The following MRE11 variants were observed in gnomAD, a reference collection of about 807,000 sequenced individuals.
The protein encoded by MRE11 is double-strand break repair protein MRE11.
In MRE11, 62 loss-of-function variants were observed where a neutral mutation model predicts 91.7. The ratio of observed to expected loss-of-function variants is 0.68; its 90% CI spans 0.55 to 0.84. The LOEUF is 0.84. Among genes scored for constraint, MRE11 ranks in the 40% least tolerant of loss-of-function variants. The pLI, the probability that MRE11 is intolerant of heterozygous loss-of-function variation, is 0.00. For synonymous variants in MRE11, 273 were observed against 271.4 expected (o/e 1.01, Z -0.06); for missense variants, 796 against 852.9 (o/e 0.93, Z 0.83).
chr11:94,475,336 T>C (rs576453151), intron 7 of MRE11: 2 of 262,068 alleles, frequency 7.6e-6, no homozygotes, highest in East Asian at 8.3e-5. Flanking sequence ...GGAGGATATA[T>C]GTAGGTTATA....
chr11:94,452,433 A>T (rs2134946266), intron 14 of MRE11, among the ~76,000 whole-genome samples: 1 of 152,318 alleles, frequency 6.6e-6, no homozygotes, highest in Non-Finnish European at 1.5e-5. Context: ...TAAAGATGTG[A>T]GGAAACAAGC....
chr11:94,472,866 T>A (rs533575475), intron 7 of MRE11: 1 of 152,254 alleles, frequency 6.6e-6, no homozygotes, highest in Admixed American at 6.6e-5. Flanking sequence ...AGATAAGGGA[T>A]ACTCAATCTC....
In MRE11 at chr11:94,419,480, G is replaced by GAGAGAGAGAT. The variant is rs1945113838; in HGVS notation, c.*644_*645insATCTCTCTCT. On this transcript the variant is annotated 3_prime_UTR_variant, in exon 20 of 20. Coordinates refer to ENST00000323929, the MANE Select transcript of MRE11 (RefSeq NM_005591.4). ...GGGGGGAGAGGGAGAGAGAGAGAGAGAGAGAGAGAGAGAGAACACCATTAA... is the reference window on the plus strand; with the variant it reads ...GGGGGGAGAGGGAGAGAGAGAGAGAGAGAGAGAGATAGAGAGAGAGAGAGAACACCATTAA... The GAGAGAGAGAT allele has an allele frequency of 8.6e-6, 2 of 232,744 alleles. No individual in the cohort carries two copies. Among genetic ancestry groups the GAGAGAGAGAT allele is most frequent in the African/African-American group, 4.4e-5 (2 of 45,340 alleles). 14.4% of individuals were successfully genotyped at this position (232,744 alleles called of 1,614,324 possible). A position where few individuals can be genotyped will look rare whatever the true frequency, so the allele number is the denominator to read the frequency against.
chr11:94,446,293 G>C (rs949565276), intron 15 of MRE11, among the ~76,000 whole-genome samples: 2 of 152,146 alleles, frequency 1.3e-5, no homozygotes, highest in Non-Finnish European at 2.9e-5. Flanking sequence ...TGTAATCCCA[G>C]CTACCTGGGA....
At chr11:94,443,030 T>A (rs1485582748) in intron 16 of MRE11, among the ~76,000 whole-genome samples, 1 of 152,220 alleles carries the variant, frequency 6.6e-6, no homozygotes, top group African/African-American at 2.4e-5. Flanking sequence ...AGTAAAAATA[T>A]AGCAATGGAA....
At chr11:94,497,685 G>T, upstream of MRE11, 1 of 180,026 alleles carries the variant, frequency 5.6e-6, no homozygotes, top group Non-Finnish European at 1.2e-5. Context: ...TGTGTATATT[G>T]GTGTGATAAT....
Position 94,419,714 on chromosome 11 carries a change from G to A in MRE11, c.*411C>T. ...AAAAACATACATAGTAACAAACAGT[G>A]AATTTAGACATAGGTTCGCATAAAT... On this transcript the variant is annotated 3_prime_UTR_variant, in exon 20 of 20. Coordinates refer to ENST00000323929, the MANE Select transcript of MRE11 (RefSeq NM_005591.4). The A allele has an allele frequency of 4.1e-6, 1 of 241,074 alleles. No homozygotes were observed. Among genetic ancestry groups the A allele is most frequent in the Non-Finnish European group, 8.1e-6 (1 of 123,032 alleles). The allele number at this position is 241,074 out of a possible 1,614,324, so 14.9% of individuals were successfully genotyped here.
chr11:94,461,398 G>A (rs894346883), intron 11 of MRE11, among the ~76,000 whole-genome samples: 3 of 152,136 alleles, frequency 2.0e-5, no homozygotes, highest in Non-Finnish European at 2.9e-5. Flanking sequence ...CTACACTGAC[G>A]ATGCAAAAGC....
chr11:94,446,016 ATATATAT>A (rs1286457822), intron 15 of MRE11, 123 bp from the exon 16 acceptor site: 20 of 746,058 alleles, frequency 2.7e-5, no homozygotes, highest in Non-Finnish European at 4.7e-5. Flanking sequence ...AAAGCCAGAC[ATATATAT>A]AAGAACAAAC....
intron 18 of MRE11, among the ~76,000 whole-genome samples, chr11:94,432,400 T>G (rs1591636830): frequency 6.6e-6 from 1 of 152,192 alleles, no homozygotes; most frequent in African/African-American, 2.4e-5. Flanking sequence ...AACTGCAGGC[T>G]AGGAAAACAA....
chr11:94,420,376 C>A (rs1488356472), intron 19 of MRE11, among the ~76,000 whole-genome samples, 195 bp from the exon 20 acceptor site: 1 of 152,106 alleles, frequency 6.6e-6, no homozygotes, highest in Non-Finnish European at 1.5e-5. Flanking sequence ...GAAAATTTAT[C>A]CTGCTGTGTG....
At chr11:94,477,407 C>A (rs1946891171) in intron 6 of MRE11, among the ~76,000 whole-genome samples, 1 of 151,940 alleles carries the variant, frequency 6.6e-6, no homozygotes, top group South Asian at 2.1e-4. Flanking sequence ...AAAATAGTTA[C>A]AAATATTAAA....
intron 17 of MRE11, 141 bp downstream of exon 17, chr11:94,437,034 TAG>T (rs1945637244): frequency 1.5e-6 from 1 of 666,092 alleles, no homozygotes; most frequent in East Asian, 2.9e-5. Flanking sequence ...CTAGAAGCCC[TAG>T]AGATAATTGG....
intron 7 of MRE11, chr11:94,473,282 A>G (rs1408024293): frequency 6.6e-6 from 1 of 152,134 alleles, no homozygotes; most frequent in Non-Finnish European, 1.5e-5. Flanking sequence ...AGAAAAGCAG[A>G]ATAATTCCCA....
chr11:94,477,077 G>A (rs1946881491), intron 6 of MRE11, among the ~76,000 whole-genome samples: 1 of 152,098 alleles, frequency 6.6e-6, no homozygotes, highest in Non-Finnish European at 1.5e-5. Flanking sequence ...TTCCATTTCA[G>A]ACATATACAT....
the MRE11 span, among the ~76,000 whole-genome samples, chr11:94,506,947 T>C: frequency 6.6e-6 from 1 of 152,158 alleles, no homozygotes; most frequent in Non-Finnish European, 1.5e-5. Context: ...CACATTTTTA[T>C]GAGTAAAAAT....
intron 11 of MRE11, 125 bp downstream of exon 11, chr11:94,463,988 C>T (rs1946490046): frequency 9.6e-7 from 1 of 1,041,786 alleles, no homozygotes; most frequent in African/African-American, 1.6e-5. Context: ...TTCCCACTGT[C>T]AATTTGTTTA....
chr11:94,459,867 G>T (rs1272979481), intron 12 of MRE11, among the ~76,000 whole-genome samples: 1 of 152,118 alleles, frequency 6.6e-6, no homozygotes, highest in Non-Finnish European at 1.5e-5. Context: ...GGCAAAATAA[G>T]AGCCCCCTAA....
At chr11:94,439,974 T>C (rs1264306173) in intron 16 of MRE11, among the ~76,000 whole-genome samples, 2 of 152,186 alleles carry the variant, frequency 1.3e-5, no homozygotes, top group Non-Finnish European at 2.9e-5. Context: ...CCAAATATAG[T>C]GGATACAGTG....
Sources: allele counts gnomAD v4.1 joint callset (sites outside exome capture counted in the v4.1 genomes callset), GRCh38; gene constraint gnomAD v4.1.1; transcripts MANE v1.5; gene names NCBI Gene and HGNC (gene_info 2026-07-23, HGNC 2026-07-21).